DNAJC5: variants seen among roughly 807,000 people sequenced by gnomAD.
DNAJC5 encodes DnaJ heat shock protein family (Hsp40) member C5, also known as dnaJ homolog subfamily C member 5.
DNAJC5 carries 1 observed loss-of-function variant against 23.2 expected under a neutral mutation model. The observed-to-expected ratio is 0.04, with a 90% CI of 0.02 to 0.20. The LOEUF is 0.20. Among genes scored for constraint, DNAJC5 ranks in the 10% least tolerant of loss-of-function variants. The pLI is 1.00. For missense variants in DNAJC5, 180 were observed against 267.0 expected (o/e 0.67, Z 2.27); for synonymous variants, 136 against 120.0 (o/e 1.13, Z -0.87).
chr20:63,901,669 C>T (rs2053413989), intron 1 of DNAJC5, among the ~76,000 whole-genome samples: 1 of 152,224 alleles, frequency 6.6e-6, no homozygotes, highest in Non-Finnish European at 1.5e-5. Context: ...GTGTGCGGCC[C>T]TGCCTGGCTT....
chr20:63,923,823 C>T (rs1480222226), intron 1 of DNAJC5, among the ~76,000 whole-genome samples: 2 of 152,158 alleles, frequency 1.3e-5, no homozygotes, highest in Admixed American at 6.5e-5. Flanking sequence ...CAAGTCCATC[C>T]GTTCCTACAC....
chr20:63,905,923 C>T (rs979596588), intron 1 of DNAJC5, among the ~76,000 whole-genome samples: 25 of 151,098 alleles, frequency 1.7e-4, no homozygotes, highest in South Asian at 4.2e-4. Context: ...TTAGTAGAGA[C>T]GGGGTTTCAC....
chr20:63,901,340 C>T (rs1209221320), intron 1 of DNAJC5, among the ~76,000 whole-genome samples: 1 of 152,214 alleles, frequency 6.6e-6, no homozygotes, highest in East Asian at 1.9e-4. Flanking sequence ...ACTTCCCAGC[C>T]CCATCGGCTG....
intron 1 of DNAJC5, among the ~76,000 whole-genome samples, chr20:63,914,027 G>C (rs2146284082): frequency 6.6e-6 from 1 of 152,262 alleles, no homozygotes; most frequent in South Asian, 2.1e-4. Context: ...CCACCATCTT[G>C]GGGGGACCAC....
At chr20:63,904,375 CCTAA>C (rs1015020822) in intron 1 of DNAJC5, among the ~76,000 whole-genome samples, 1 of 152,140 alleles carries the variant, frequency 6.6e-6, no homozygotes, top group African/African-American at 2.4e-5. Flanking sequence ...GTTGGGTAAC[CCTAA>C]CTGATTGTCA....
chr20:63,904,319 G>T (rs565636142), intron 1 of DNAJC5, among the ~76,000 whole-genome samples: 1 of 152,100 alleles, frequency 6.6e-6, no homozygotes, highest in South Asian at 2.1e-4. Context: ...TACCTCTTAC[G>T]ATGTGGTTTC....
chr20:63,916,393 G>A (rs1397113504), intron 1 of DNAJC5, among the ~76,000 whole-genome samples: 4 of 152,204 alleles, frequency 2.6e-5, no homozygotes, highest in African/African-American at 4.8e-5. Flanking sequence ...CGGTAGGGCC[G>A]CGATGCCCGC....
chr20:63,929,408 G>A lies in DNAJC5; in HGVS notation c.204G>A (p.Thr68=), dbSNP rs1002205118. The A allele has an allele frequency of 1.2e-5, 19 of 1,614,068 alleles. No individual in the cohort carries two copies. Among genetic ancestry groups the A allele is most frequent in the Middle Eastern group, 3.3e-4 (2 of 6,084 alleles). The part of the protein sequence containing the change: ...KEINNAHAIL[T]DATKRNIYDK... ...TCAACAACGCGCACGCCATCCTCAC[G>A]GACGCCACAAAAAGGAACATCTACG... Residue 68 remains threonine (T), a synonymous_variant, in exon 3 of 5, where the codon ACG becomes ACA. Coordinates refer to ENST00000360864, the MANE Select transcript of DNAJC5 (RefSeq NM_025219.3). This position sits in a 1 kb window ranked among gnomAD's most constrained non-coding sequence, Gnocchi z 8.6.
At chr20:63,905,411 C>T (rs1389846978) in intron 1 of DNAJC5, among the ~76,000 whole-genome samples, 3 of 151,978 alleles carry the variant, frequency 2.0e-5, no homozygotes, top group South Asian at 2.1e-4. Flanking sequence ...CCACCACACC[C>T]GGGGCTGGAT....
intron 1 of DNAJC5, among the ~76,000 whole-genome samples, chr20:63,909,814 C>T (rs150250888): frequency 8.7e-4 from 133 of 152,354 alleles, no homozygotes; most frequent in Middle Eastern, 3.4e-3. Flanking sequence ...CTCAGGAGAG[C>T]CTGCGGGGGG....
At position 63,920,512 on chromosome 20, in the gene DNAJC5, G is replaced by C. The variant is rs1233660424; in HGVS notation, c.-11-7823G>C. Among the ~76,000 whole-genome samples, 1 of 152,224 alleles carries C rather than the reference G, an allele frequency of 6.6e-6. No individual in the cohort carries two copies. The highest frequency in any genetic ancestry group is 1.5e-5 in the Non-Finnish European group (1 of 68,032). On this transcript the variant is annotated intron_variant, in intron 1 of 4. Transcript: ENST00000360864. This position sits in a 1 kb window ranked among gnomAD's most constrained non-coding sequence, Gnocchi z 4.6. ...GTGGCTGCCCTGGCGTAGGGAGGGA[G>C]GACACGGGTCCCCGCCATTTCAGAA...
rs1207312847 is a variant in DNAJC5 at position 63,934,114 on chromosome 20, C to T, written c.*2546C>T. The T allele has an allele frequency of 2.6e-5, 4 of 152,316 alleles. No homozygotes were observed. The highest frequency in any genetic ancestry group is 2.0e-4 in the Admixed American group (3 of 15,284). The allele number at this position is 152,316 out of a possible 1,614,324, so 9.4% of individuals were successfully genotyped here. Reference sequence around the variant, plus strand: ...CACTCGGGGCCTGGAGTTCCTCCCCCTGCCTGACCTAGAAGCAGAACCGTT... The same window carrying T: ...CACTCGGGGCCTGGAGTTCCTCCCCTTGCCTGACCTAGAAGCAGAACCGTT... On this transcript the variant is annotated 3_prime_UTR_variant, in exon 5 of 5. Transcript: ENST00000360864.
intron 1 of DNAJC5, among the ~76,000 whole-genome samples, chr20:63,927,495 G>A (rs1003721591): frequency 6.6e-5 from 10 of 151,988 alleles, no homozygotes; most frequent in Non-Finnish European, 1.2e-4. Context: ...AGCCGAGATC[G>A]TGCCATTGCA....
At position 63,895,164 on chromosome 20, in the gene DNAJC5, T is replaced by G. The variant is rs2053364127; in HGVS notation, c.-171T>G. Reference sequence around the variant, plus strand: ...TGCTCGTCTCCGCTGCCGCTGCCGCTGCCGCTGCCGGTGCCGCACCCGCGC... The same window carrying G: ...TGCTCGTCTCCGCTGCCGCTGCCGCGGCCGCTGCCGGTGCCGCACCCGCGC... On this transcript the variant is annotated 5_prime_UTR_variant, in exon 1 of 5. Coordinates refer to ENST00000360864, the MANE Select transcript of DNAJC5 (RefSeq NM_025219.3). The G allele has an allele frequency of 1.3e-5, 2 of 154,044 alleles. No homozygotes were observed. Among genetic ancestry groups the G allele is most frequent in the Non-Finnish European group, 2.9e-5 (2 of 69,608 alleles). The allele number at this position is 154,044 out of a possible 1,614,324, so 9.5% of individuals were successfully genotyped here. A position where few individuals can be genotyped will look rare whatever the true frequency, so the allele number is the denominator to read the frequency against.
At chr20:63,913,068 C>A (rs2146282804) in intron 1 of DNAJC5, among the ~76,000 whole-genome samples, 1 of 152,102 alleles carries the variant, frequency 6.6e-6, no homozygotes, top group Admixed American at 6.6e-5. Context: ...AGGTAGTTCC[C>A]TGCCCCGTCT....
At chr20:63,909,145 AT>A (rs1214955228) in intron 1 of DNAJC5, 1 of 151,724 alleles carries the variant, frequency 6.6e-6, no homozygotes, top group Non-Finnish European at 1.5e-5. Context: ...AAATACAAAA[AT>A]CAGTCGGGCG....
At chr20:63,898,889 G>C (rs898632372) in intron 1 of DNAJC5, among the ~76,000 whole-genome samples, 1 of 152,158 alleles carries the variant, frequency 6.6e-6, no homozygotes, top group Non-Finnish European at 1.5e-5. Flanking sequence ...GAGACTCATC[G>C]TGATGTTCTG....
intron 1 of DNAJC5, among the ~76,000 whole-genome samples, chr20:63,918,317 G>A (rs1386620722): frequency 6.6e-6 from 1 of 151,992 alleles, no homozygotes; most frequent in Non-Finnish European, 1.5e-5. Context: ...GGAGTTTGAG[G>A]CCAGCCTGGG....
chr20:63,896,659 G>C (rs1310446716), intron 1 of DNAJC5, among the ~76,000 whole-genome samples: 1 of 152,166 alleles, frequency 6.6e-6, no homozygotes. Flanking sequence ...CTGCCTGCCT[G>C]CCTTGCCACC....
Sources: allele counts gnomAD v4.1 joint callset (sites outside exome capture counted in the v4.1 genomes callset), GRCh38; gene constraint gnomAD v4.1.1; non-coding constraint Gnocchi (gnomAD v3.1); transcripts MANE v1.5; gene names NCBI Gene and HGNC (gene_info 2026-07-23, HGNC 2026-07-21).